Variants in IFT140 observed in about 807,000 individuals in gnomAD.
IFT140 encodes the protein intraflagellar transport protein 140 homolog.
A neutral mutation model predicts 164.6 loss-of-function variants in IFT140; 133 were observed. The observed-to-expected ratio is 0.81, with a 90% CI of 0.70 to 0.93. IFT140 has a LOEUF of 0.93. IFT140 is among the 40% of genes least tolerant of loss of function. The pLI is 0.00. For missense variants in IFT140, 2,045 were observed against 1,972.3 expected (o/e 1.04, Z -0.70); for synonymous variants, 860 against 817.3 (o/e 1.05, Z -0.89).
intron 19 of IFT140, chr16:1,555,675 A>G (rs1367848093): frequency 2.6e-5 from 4 of 152,336 alleles, no homozygotes; most frequent in Admixed American, 6.5e-5. Flanking sequence ...GGTCAAAAAG[A>G]CCTTTTCAGA....
intron 19 of IFT140, among the ~76,000 whole-genome samples, chr16:1,552,062 G>T (rs2032692123): frequency 6.6e-6 from 1 of 152,170 alleles, no homozygotes; most frequent in Non-Finnish European, 1.5e-5. Context: ...TGGAAGCCAT[G>T]GGGGGCACAA....
chr16:1,528,046 G>A (rs2029910783), intron 19 of IFT140, among the ~76,000 whole-genome samples: 1 of 152,192 alleles, frequency 6.6e-6, no homozygotes, highest in Admixed American at 6.5e-5. Flanking sequence ...GTGTGTGGGG[G>A]CACTCAGCCA....
chr16:1,524,081 C>A lies in IFT140; in HGVS notation c.3142-125G>T, dbSNP rs1209401483. 7.2e-6 allele frequency: 9 copies of A among 1,250,248 alleles called. No individual in the cohort carries two copies. In the East Asian group the frequency reaches 1.2e-4, roughly 17 times the overall value. 77.4% of individuals were successfully genotyped at this position (1,250,248 alleles called of 1,614,324 possible). ...TTGACACACTGCTCAGCGATCTCTG[C>A]GGTGATGGGTTTTAAGGAGCTGATG... On this transcript the variant is annotated intron_variant, in intron 24 of 30. Transcript: ENST00000426508.
chr16:1,553,881 A>C lies in IFT140; in HGVS notation c.2399+4054T>G. On this transcript the variant is annotated intron_variant, in intron 19 of 30. Transcript: ENST00000426508. This position sits in a 1 kb window ranked among gnomAD's most constrained non-coding sequence, Gnocchi z 4.4. The stretch of plus-strand genomic sequence containing the variant: ...TCCTAGTTGGTAGACTCTAGTCACG[A>C]AACCCTGATTTTCCTGTTGTAAGAA... The C allele has an allele frequency of 1.6e-6, 2 of 1,260,250 alleles. No individual in the cohort carries two copies. The highest frequency in any genetic ancestry group is 3.1e-5 in the African/African-American group (2 of 64,898). The allele number at this position is 1,260,250 out of a possible 1,614,324, so 78.1% of individuals were successfully genotyped here.
intron 19 of IFT140, 92 bp downstream of exon 19, chr16:1,557,843 T>G: frequency 3.1e-6 from 4 of 1,280,194 alleles, no homozygotes; most frequent in Non-Finnish European, 4.5e-6. Context: ...AGTCAAATAT[T>G]TCAACAGGCG....
chr16:1,564,317 G>A lies in IFT140; in HGVS notation c.1902-155C>T, dbSNP rs1040593875. ...AGAACTTTTGGGGTCTCACTGCCATGCGCCCTACTGGAACATGTTCTCAGA... is the reference window on the plus strand; with the variant it reads ...AGAACTTTTGGGGTCTCACTGCCATACGCCCTACTGGAACATGTTCTCAGA... On this transcript the variant is annotated intron_variant, in intron 16 of 30. Transcript: ENST00000426508. The surrounding 1 kb of genome is among the most constrained non-coding windows in gnomAD (Gnocchi z 5.5). Among the ~76,000 whole-genome samples, 2 of 152,334 alleles carry A rather than the reference G, an allele frequency of 1.3e-5. No individual in the cohort carries two copies. The highest frequency in any genetic ancestry group is 2.1e-4 in the South Asian group (1 of 4,826).
intron 19 of IFT140, chr16:1,555,052 C>A (rs12443939): frequency 3.8e-6 from 6 of 1,587,870 alleles, no homozygotes; most frequent in Non-Finnish European, 5.1e-6. Context: ...GCTCCATCAA[C>A]GCACACCTGC....
At chr16:1,596,471 G>A (rs756714648) in intron 4 of IFT140, among the ~76,000 whole-genome samples, 1 of 150,516 alleles carries the variant, frequency 6.6e-6, no homozygotes, top group Middle Eastern at 3.4e-3. Context: ...GCTGCCACCT[G>A]GAATGTCCAA....
intron 9 of IFT140, 88 bp downstream of exon 9, chr16:1,587,110 C>A (rs888314061): frequency 1.8e-5 from 15 of 840,248 alleles, no homozygotes; most frequent in Non-Finnish European, 2.6e-5. Context: ...TGTGAGTAGC[C>A]TCCACGTTTC....
chr16:1,554,130 G>C, intron 19 of IFT140: 1 of 1,287,078 alleles, frequency 7.8e-7, no homozygotes, highest in Admixed American at 2.3e-5. Context: ...AGTGAGGGAA[G>C]ACACCAGATA....
rs887908771 is a variant in IFT140, at chr16:1,564,426, T to TG, written c.1902-265dup. On this transcript the variant is annotated intron_variant, in intron 16 of 30. Coordinates refer to ENST00000426508, the MANE Select transcript of IFT140 (RefSeq NM_014714.4). The surrounding 1 kb of genome is among the most constrained non-coding windows in gnomAD (Gnocchi z 5.5). ...TGACGCTTTGATTCTGGAGGCCTTA[T>TG]GGGGGCCCAGAAGAATCCCCAAAGC... Among the ~76,000 whole-genome samples, 11 of 152,332 alleles carry TG rather than the reference T, an allele frequency of 7.2e-5. No homozygotes were observed. Among genetic ancestry groups the TG allele is most frequent in the African/African-American group, 1.4e-4 (6 of 41,580 alleles).
chr16:1,527,161 C>G (rs970826434), intron 19 of IFT140: 1 of 252,554 alleles, frequency 4.0e-6, no homozygotes, highest in Non-Finnish European at 7.6e-6. Flanking sequence ...GAGACAAAGC[C>G]TCCTGCTCTC....
At chr16:1,607,465 C>A (rs1037913934) in intron 2 of IFT140, among the ~76,000 whole-genome samples, 168 bp from the exon 3 acceptor site, 1 of 152,160 alleles carries the variant, frequency 6.6e-6, no homozygotes, top group African/African-American at 2.4e-5. Flanking sequence ...GAGGAGATCT[C>A]CAACAGGGAG....
chr16:1,578,647 A>G (rs2141715231), intron 13 of IFT140, among the ~76,000 whole-genome samples: 1 of 152,048 alleles, frequency 6.6e-6, no homozygotes, highest in South Asian at 2.1e-4. Flanking sequence ...TTTGGGAGGC[A>G]AAGGTGGGTG....
rs1310819575 is a variant in IFT140, at chr16:1,553,468, G to T, written c.2399+4467C>A. 1.0e-6 allele frequency: 1 copy of T among 985,346 alleles called. No individual in the cohort carries two copies. The highest frequency in any genetic ancestry group is 1.7e-5 in the African/African-American group (1 of 57,246). The allele number at this position is 985,346 out of a possible 1,614,324, so 61.0% of individuals were successfully genotyped here. Reference sequence around the variant, plus strand: ...CAGACGCACAGGTGTCAACATGCAGGCCAGGCGGAGGGACAGCAGTGGGGC... The same window carrying T: ...CAGACGCACAGGTGTCAACATGCAGTCCAGGCGGAGGGACAGCAGTGGGGC... On this transcript the variant is annotated intron_variant, in intron 19 of 30. Coordinates refer to ENST00000426508, the MANE Select transcript of IFT140 (RefSeq NM_014714.4). The surrounding 1 kb of genome is among the most constrained non-coding windows in gnomAD (Gnocchi z 4.4).
intron 13 of IFT140, among the ~76,000 whole-genome samples, chr16:1,574,165 C>T (rs1032697910): frequency 3.3e-5 from 5 of 152,192 alleles, no homozygotes; most frequent in Admixed American, 6.5e-5. Flanking sequence ...TCCCTCTTTT[C>T]GGCCTTAAAA....
At chr16:1,556,974 C>A (rs1444936650) in intron 19 of IFT140, among the ~76,000 whole-genome samples, 1 of 152,044 alleles carries the variant, frequency 6.6e-6, no homozygotes, top group Non-Finnish European at 1.5e-5. Flanking sequence ...AACTGCCTGG[C>A]TAGTTTTTGT....
chr16:1,592,848 G>A (rs972144760), intron 4 of IFT140, among the ~76,000 whole-genome samples: 3 of 151,372 alleles, frequency 2.0e-5, no homozygotes, highest in Admixed American at 6.6e-5. Flanking sequence ...CCCTGACGGA[G>A]TCACTGGCGG....
At chr16:1,555,208 T>C in intron 19 of IFT140, 1 of 788,746 alleles carries the variant, frequency 1.3e-6, no homozygotes, top group Non-Finnish European at 1.9e-6. Context: ...CATATGTCTG[T>C]ACGTGTCGTG....
Sources: gnomAD v4.1 joint callset for allele counts (sites outside exome capture counted in the v4.1 genomes callset) on GRCh38, gnomAD v4.1.1 for gene constraint, Gnocchi (gnomAD v3.1) non-coding constraint, MANE v1.5 for transcripts, NCBI Gene and HGNC (gene_info 2026-07-23, HGNC 2026-07-21) for gene names.